The following WDFY3 variants were observed in gnomAD, a reference collection of about 807,000 sequenced individuals.
WDFY3 encodes WD repeat and FYVE domain-containing protein 3.
In WDFY3, 66 loss-of-function variants were observed where a neutral mutation model predicts 409.6. The observed-to-expected ratio is 0.16, with a 90% CI of 0.13 to 0.20. The LOEUF is 0.20. Ranked by LOEUF, WDFY3 falls within the 10% of genes least tolerant of loss-of-function variation. The probability of loss-of-function intolerance (pLI) is 1.00; values close to 1 mark genes in which losing one functional copy is unlikely to be tolerated. For synonymous variants in WDFY3, 1,521 were observed against 1,537.1 expected (o/e 0.99, Z 0.25); for missense variants, 3,031 against 4,298.1 (o/e 0.71, Z 8.24).
At position 84,879,113 on chromosome 4, in the gene WDFY3, A is replaced by T. The variant is rs541813542; in HGVS notation, c.-32+17798T>A. Among the ~76,000 whole-genome samples the T allele has an allele frequency of 6.6e-5, 10 of 152,300 alleles. No individual in the cohort carries two copies. The South Asian group carries it at 2.1e-3, about 32-fold the overall frequency. ...TTGCAAGGTATAAAAAGGCTGCTCA[A>T]AATCTGGTGGGTCCCTAATTTTGAA... On this transcript the variant is annotated intron_variant, in intron 3 of 67. Transcript: ENST00000295888.
chr4:84,742,267 T>C (rs946238612), intron 37 of WDFY3, among the ~76,000 whole-genome samples: 1 of 152,216 alleles, frequency 6.6e-6, no homozygotes, highest in Non-Finnish European at 1.5e-5. Context: ...TAATTGATTT[T>C]GTGTATGTAA....
chr4:84,739,611 A>G (rs1738048293), intron 39 of WDFY3, among the ~76,000 whole-genome samples: 2 of 152,110 alleles, frequency 1.3e-5, no homozygotes, highest in Admixed American at 1.3e-4. Context: ...CTCAAGCTGC[A>G]GCTCAGCAGG....
At chr4:84,931,743 T>C (rs748284534) in intron 2 of WDFY3, among the ~76,000 whole-genome samples, 7 of 152,092 alleles carry the variant, frequency 4.6e-5, no homozygotes, top group Non-Finnish European at 7.3e-5. Context: ...AAGAACATTA[T>C]TGAAAAACTA....
chr4:84,850,263 T>C (rs1270575528), intron 4 of WDFY3, among the ~76,000 whole-genome samples: 3 of 152,100 alleles, frequency 2.0e-5, no homozygotes, highest in East Asian at 1.9e-4. Flanking sequence ...CTAAGACCCA[T>C]AGACATTATT....
At chr4:84,964,711 T>C (rs903676913) in intron 1 of WDFY3, among the ~76,000 whole-genome samples, 7 of 152,150 alleles carry the variant, frequency 4.6e-5, no homozygotes, top group African/African-American at 1.4e-4. Flanking sequence ...TTTACAAAAA[T>C]TGTTTTCTCT....
chr4:84,791,571 TTGGTTACAGTA>T (rs553173837), intron 21 of WDFY3, among the ~76,000 whole-genome samples: 131 of 152,328 alleles, frequency 8.6e-4, no homozygotes, highest in African/African-American at 3.0e-3. Flanking sequence ...TGACATTGAT[TTGGTTACAGTA>T]TGGGTTAGAA....
chr4:84,926,567 TTTC>T (rs1391959783), intron 2 of WDFY3, among the ~76,000 whole-genome samples: 11 of 152,188 alleles, frequency 7.2e-5, no homozygotes, highest in African/African-American at 2.7e-4. Flanking sequence ...CAACACATGT[TTTC>T]TTTCTAATAC....
At chr4:84,774,253 C>T (rs777206526) in intron 29 of WDFY3, among the ~76,000 whole-genome samples, 7 of 152,140 alleles carry the variant, frequency 4.6e-5, no homozygotes, top group East Asian at 1.9e-4. Flanking sequence ...CTTCTATAAT[C>T]CCCAAATTTT....
At chr4:84,838,945 T>C (rs1450947405) in intron 6 of WDFY3, among the ~76,000 whole-genome samples, 1 of 152,204 alleles carries the variant, frequency 6.6e-6, no homozygotes, top group Non-Finnish European at 1.5e-5. Context: ...GGACCATGTT[T>C]TGGTCATCTC....
intron 30 of WDFY3, among the ~76,000 whole-genome samples, chr4:84,769,593 T>C (rs1403688172): frequency 6.6e-6 from 1 of 151,964 alleles, no homozygotes; most frequent in African/African-American, 2.4e-5. Context: ...TTTTTTTGTG[T>C]GTATTTTTTT....
In WDFY3 at chr4:84,966,032, G is replaced by A. The variant is rs994745594; in HGVS notation, c.-226+177C>T. Among the ~76,000 whole-genome samples, 27 of 152,070 alleles carry A rather than the reference G, an allele frequency of 1.8e-4. No individual in the cohort carries two copies. The East Asian group carries it at 2.3e-3, about 13-fold the overall frequency. ...GCGGCGGCGGCGGCTCCCGGCCAAG[G>A]CGGACCCTGGGGAGGACAGCAGCTG... On this transcript the variant is annotated intron_variant, in intron 1 of 67. Transcript: ENST00000295888.
At chr4:84,736,372 T>C in intron 41 of WDFY3, 45 bp from the exon 42 acceptor site, 1 of 1,515,634 alleles carries the variant, frequency 6.6e-7, no homozygotes, top group Non-Finnish European at 8.8e-7. Context: ...TCTCCATGTA[T>C]TTATGAGTCT....
chr4:84,759,863 G>A (rs1742208400), intron 32 of WDFY3, among the ~76,000 whole-genome samples: 1 of 150,024 alleles, frequency 6.7e-6, no homozygotes, highest in Non-Finnish European at 1.5e-5. Flanking sequence ...GGTGAGAGAG[G>A]GCATCCCTGT....
intron 2 of WDFY3, among the ~76,000 whole-genome samples, chr4:84,900,800 C>CTA (rs1766246207): frequency 1.3e-5 from 2 of 152,080 alleles, no homozygotes; most frequent in Admixed American, 6.6e-5. Context: ...ACCCATAAAG[C>CTA]TATATACCAC....
rs923341231 is a variant in WDFY3 at position 84,672,294 on chromosome 4, G to A, written c.*574C>T. Reference sequence around the variant, plus strand: ...AAAAAAGACCACAGATAATGTCTTTGGGGATTTAAAAAAACATATTTATAA... The same window carrying A: ...AAAAAAGACCACAGATAATGTCTTTAGGGATTTAAAAAAACATATTTATAA... On this transcript the variant is annotated 3_prime_UTR_variant, in exon 68 of 68. Coordinates refer to ENST00000295888, the MANE Select transcript of WDFY3 (RefSeq NM_014991.6). 2 of 152,160 alleles carry A rather than the reference G, an allele frequency of 1.3e-5. No individual in the cohort carries two copies. The highest frequency in any genetic ancestry group is 2.9e-5 in the Non-Finnish European group (2 of 68,034). The allele number at this position is 152,160 out of a possible 1,614,324, so 9.4% of individuals were successfully genotyped here.
rs531740096 is a variant in WDFY3, at chr4:84,838,206, A to G, written c.415-1116T>C. On this transcript the variant is annotated intron_variant, in intron 6 of 67. Transcript: ENST00000295888. ...CTAACCTTGAATTACTGTTTACTAT[A>G]TAAGAGGCATAAGGCTAATAAGCAC... is the stretch of plus-strand genomic sequence containing the variant. 1.3e-4 allele frequency among the ~76,000 whole-genome samples: 20 copies of G among 152,350 alleles called. No homozygotes were observed. The East Asian group carries it at 3.9e-3, about 29-fold the overall frequency.
chr4:84,936,799 G>A lies in WDFY3; in HGVS notation c.-225-4436C>T, dbSNP rs573205934. Among the ~76,000 whole-genome samples, 9 of 151,918 alleles carry A rather than the reference G, an allele frequency of 5.9e-5. No individual in the cohort carries two copies. In the South Asian group the frequency reaches 1.9e-3, roughly 32 times the overall value. On this transcript the variant is annotated intron_variant, in intron 1 of 67. Transcript: ENST00000295888. The stretch of plus-strand genomic sequence containing the variant: ...GAAGAGAACTTCCAGAATCTCTCAT[G>A]ACATTTACCTCCCCACCTGAATCTG...
chr4:84,706,136 A>G (rs1410429297), intron 53 of WDFY3, among the ~76,000 whole-genome samples: 3 of 152,224 alleles, frequency 2.0e-5, no homozygotes, highest in African/African-American at 7.2e-5. Context: ...CCTAATTCAT[A>G]TATTTAAAAG....
chr4:84,870,032 C>T (rs1049267403), intron 3 of WDFY3, among the ~76,000 whole-genome samples: 1 of 152,030 alleles, frequency 6.6e-6, no homozygotes, highest in Non-Finnish European at 1.5e-5. Context: ...ACACAGATCA[C>T]AAAGATGTCA....
Sources: gnomAD v4.1 joint callset for allele counts (sites outside exome capture counted in the v4.1 genomes callset) on GRCh38, gnomAD v4.1.1 for gene constraint, MANE v1.5 for transcripts, NCBI Gene and HGNC (gene_info 2026-07-23, HGNC 2026-07-21) for gene names.